CCSER1: variants seen among roughly 807,000 people sequenced by gnomAD.
The protein encoded by CCSER1 is serine-rich coiled-coil domain-containing protein 1.
In CCSER1, 41 loss-of-function variants were observed where a neutral mutation model predicts 82.0. The ratio of observed to expected loss-of-function variants is 0.50; its 90% confidence interval spans 0.39 to 0.65. The LOEUF is 0.65. Ranked by LOEUF, CCSER1 falls within the 30% of genes least tolerant of loss-of-function variation. The pLI is 0.00. For missense variants in CCSER1, 1,119 were observed against 1,064.2 expected (o/e 1.05, Z -0.72); for synonymous variants, 414 against 383.9 (o/e 1.08, Z -0.92).
At chr4:90,261,910 A>G (rs1020264607) in intron 1 of CCSER1, among the ~76,000 whole-genome samples, 1 of 151,962 alleles carries the variant, frequency 6.6e-6, no homozygotes, top group Admixed American at 6.6e-5. Flanking sequence ...TACATTTTGT[A>G]TTTCCCTAAA....
At chr4:90,671,506 A>G (rs1037803439) in intron 6 of CCSER1, among the ~76,000 whole-genome samples, 1 of 152,076 alleles carries the variant, frequency 6.6e-6, no homozygotes, top group Non-Finnish European at 1.5e-5. Context: ...AAGTTTTATC[A>G]TGATATTACA....
chr4:90,869,554 C>A (rs1766177328), intron 8 of CCSER1, among the ~76,000 whole-genome samples: 1 of 151,442 alleles, frequency 6.6e-6, no homozygotes, highest in East Asian at 1.9e-4. Context: ...TGTTCCATTG[C>A]TTTATGTGGC....
At chr4:91,306,389 T>A (rs545830327) in intron 10 of CCSER1, among the ~76,000 whole-genome samples, 26 of 152,152 alleles carry the variant, frequency 1.7e-4, no homozygotes, top group Admixed American at 3.9e-4. Context: ...CTGAAAAAAA[T>A]ATAAAGAATT....
At chr4:90,452,567 G>A (rs1039126334) in intron 4 of CCSER1, among the ~76,000 whole-genome samples, 3 of 152,208 alleles carry the variant, frequency 2.0e-5, no homozygotes, top group African/African-American at 4.8e-5. Context: ...ACCCTATGGG[G>A]TGCTGGGCTG....
intron 5 of CCSER1, among the ~76,000 whole-genome samples, chr4:90,469,383 A>G (rs1304629869): frequency 6.6e-6 from 1 of 152,152 alleles, no homozygotes; most frequent in Non-Finnish European, 1.5e-5. Context: ...CAGTTTTAAT[A>G]CAATCTAAAA....
intron 8 of CCSER1, among the ~76,000 whole-genome samples, chr4:90,843,246 G>A (rs1762791149): frequency 6.8e-6 from 1 of 146,146 alleles, no homozygotes; most frequent in Admixed American, 6.8e-5. Context: ...AAAAAAAAAA[G>A]TGTGTGTAAC....
At chr4:90,798,895 T>C (rs1466201746) in intron 7 of CCSER1, among the ~76,000 whole-genome samples, 1 of 152,072 alleles carries the variant, frequency 6.6e-6, no homozygotes, top group African/African-American at 2.4e-5. Context: ...GGAAGGTGCT[T>C]TCAGACCACA....
At chr4:91,210,711 A>G (rs1560518059) in intron 10 of CCSER1, among the ~76,000 whole-genome samples, 1 of 151,978 alleles carries the variant, frequency 6.6e-6, no homozygotes, top group Non-Finnish European at 1.5e-5. Flanking sequence ...GAAGAAGATA[A>G]AAGACAAATG....
intron 10 of CCSER1, among the ~76,000 whole-genome samples, chr4:91,111,152 GTTT>G (rs1340454633): frequency 3.3e-5 from 5 of 151,884 alleles, no homozygotes; most frequent in Non-Finnish European, 7.4e-5. Context: ...TTTAAAGCAT[GTTT>G]ATGCTGTTGC....
intron 10 of CCSER1, among the ~76,000 whole-genome samples, chr4:91,308,291 T>A (rs1319642102): frequency 6.6e-6 from 1 of 151,998 alleles, no homozygotes; most frequent in Non-Finnish European, 1.5e-5. Context: ...GTGACAGGGC[T>A]GACTCTTCCC....
chr4:90,159,249 T>A (rs975220291), intron 1 of CCSER1, among the ~76,000 whole-genome samples: 2 of 152,086 alleles, frequency 1.3e-5, no homozygotes, highest in East Asian at 3.9e-4. Context: ...CTCACTGTGT[T>A]ACCCAGGCTG....
chr4:91,456,489 T>TA (rs1756181240), intron 10 of CCSER1, among the ~76,000 whole-genome samples: 1 of 152,038 alleles, frequency 6.6e-6, no homozygotes, highest in South Asian at 2.1e-4. Flanking sequence ...TGTACTTTCT[T>TA]AAATGCTTGT....
intron 9 of CCSER1, among the ~76,000 whole-genome samples, chr4:90,933,474 A>G (rs62312317): frequency 0.053 from 8,025 of 150,010 alleles, 305 homozygotes; most frequent in Admixed American, 0.12. Flanking sequence ...GGCGTGAGCC[A>G]CCGTGCCAGG....
At chr4:91,563,221 G>C (rs1578797918) in intron 10 of CCSER1, among the ~76,000 whole-genome samples, 1 of 151,556 alleles carries the variant, frequency 6.6e-6, no homozygotes, top group South Asian at 2.1e-4. Flanking sequence ...GACACCACAA[G>C]AAAAGAAAAT....
Position 90,831,027 on chromosome 4 carries a change from T to A in CCSER1, c.2094+15182T>A, listed in dbSNP as rs575744274. Among the ~76,000 whole-genome samples, 3 of 152,220 alleles carry A rather than the reference T, an allele frequency of 2.0e-5. No individual in the cohort carries two copies. In the East Asian group the frequency reaches 5.8e-4, roughly 30 times the overall value. ...ATTCTGGGCATTATGTTGGTTTTAC[T>A]GTCAGTCTCAATGTATTACAAACAG... On this transcript the variant is annotated intron_variant, in intron 8 of 10. Coordinates refer to ENST00000509176, the MANE Select transcript of CCSER1 (RefSeq NM_001145065.2).
At chr4:91,476,579 C>G (rs1197286497) in intron 10 of CCSER1, among the ~76,000 whole-genome samples, 3 of 151,426 alleles carry the variant, frequency 2.0e-5, no homozygotes, top group Non-Finnish European at 4.4e-5. Context: ...AACAAAACAC[C>G]TCAAATAGCC....
At chr4:91,316,470 C>G (rs1314590552) in intron 10 of CCSER1, among the ~76,000 whole-genome samples, 1 of 151,934 alleles carries the variant, frequency 6.6e-6, no homozygotes, top group African/African-American at 2.4e-5. Context: ...TGTAAAATTT[C>G]TCTGATAGAA....
intron 6 of CCSER1, among the ~76,000 whole-genome samples, chr4:90,699,373 GA>G (rs1737586763): frequency 6.6e-6 from 1 of 152,154 alleles, no homozygotes; most frequent in South Asian, 2.1e-4. Flanking sequence ...GTCGGGGCAT[GA>G]GAATCTCTTG....
intron 4 of CCSER1, among the ~76,000 whole-genome samples, chr4:90,440,010 T>A (rs945115459): frequency 1.6e-4 from 25 of 152,068 alleles, no homozygotes; most frequent in African/African-American, 4.6e-4. Flanking sequence ...TTATTTTATT[T>A]TTTTTTTTAG....
Sources: gnomAD v4.1 joint callset for allele counts (sites outside exome capture counted in the v4.1 genomes callset) on GRCh38, gnomAD v4.1.1 for gene constraint, MANE v1.5 for transcripts, NCBI Gene and HGNC (gene_info 2026-07-23, HGNC 2026-07-21) for gene names.